ZNF227: variants seen among roughly 807,000 people sequenced by gnomAD.
The protein encoded by ZNF227 is zinc finger protein 227.
In ZNF227, 12 loss-of-function variants were observed where a neutral mutation model predicts 13.2. The observed-to-expected ratio is 0.91, with a 90% CI of 0.58 to 1.47. The LOEUF (loss-of-function observed/expected upper bound fraction) is 1.47, where lower values mean the gene tolerates loss of function less well. Among genes scored for constraint, ZNF227 ranks in the 40% most tolerant of loss-of-function variants. The pLI is 0.00. For synonymous variants in ZNF227, 338 were observed against 326.0 expected, an observed-to-expected ratio of 1.04 and a Z score of -0.40; for missense variants, 885 against 967.5, an observed-to-expected ratio of 0.91 and a Z score of 1.13.
intron 3 of ZNF227, chr19:44,227,137 T>G (rs542213580): frequency 6.6e-6 from 1 of 152,328 alleles, no homozygotes; most frequent in African/African-American, 2.4e-5. Context: ...AGATATGCGT[T>G]GTTCGAGTTT....
chr19:44,208,119 C>G (rs1971253171), upstream of ZNF227, among the ~76,000 whole-genome samples: 1 of 152,160 alleles, frequency 6.6e-6, no homozygotes, highest in Non-Finnish European at 1.5e-5. Flanking sequence ...GTATTGTAGG[C>G]AATCTAAAGA....
chr19:44,229,947 T>A (rs1168515162), intron 5 of ZNF227, 131 bp downstream of exon 5: 1 of 494,148 alleles, frequency 2.0e-6, no homozygotes, highest in Non-Finnish European at 3.3e-6. Flanking sequence ...GCTTCCATGC[T>A]GGTCTCCCCA....
At chr19:44,223,271 A>G (rs1049728440) in intron 3 of ZNF227, among the ~76,000 whole-genome samples, 34 of 151,872 alleles carry the variant, frequency 2.2e-4, no homozygotes, top group Non-Finnish European at 3.5e-4. Flanking sequence ...GGATGATGCT[A>G]GCCTCATAAA....
chr19:44,233,274 A>G (rs937621834), intron 5 of ZNF227, among the ~76,000 whole-genome samples: 1 of 152,130 alleles, frequency 6.6e-6, no homozygotes, highest in African/African-American at 2.4e-5. Context: ...ATATGTTTAT[A>G]TTTATGTGTA....
chr19:44,212,366 G>GTTT (rs778010029), upstream of ZNF227, among the ~76,000 whole-genome samples: 22 of 108,258 alleles, frequency 2.0e-4, no homozygotes, highest in African/African-American at 5.4e-4. Context: ...CGCTCGCTCC[G>GTTT]TTTTTTTTTT....
chr19:44,234,277 T>C (rs1157895714), intron 5 of ZNF227, among the ~76,000 whole-genome samples: 1 of 152,204 alleles, frequency 6.6e-6, no homozygotes, highest in East Asian at 1.9e-4. Flanking sequence ...AAAATAGTAT[T>C]TCATGCCTAC....
intron 3 of ZNF227, among the ~76,000 whole-genome samples, chr19:44,223,107 A>G (rs913136692): frequency 1.3e-5 from 2 of 152,194 alleles, no homozygotes; most frequent in Non-Finnish European, 2.9e-5. Context: ...CATCCCAGGG[A>G]TGAAGCCCAC....
intron 5 of ZNF227, among the ~76,000 whole-genome samples, chr19:44,232,990 T>C (rs1461325603): frequency 1.3e-5 from 2 of 152,112 alleles, no homozygotes; most frequent in Non-Finnish European, 2.9e-5. Flanking sequence ...CTTTTTGCCA[T>C]GTACATTAAC....
chr19:44,221,010 T>C (rs1248865169), intron 3 of ZNF227, among the ~76,000 whole-genome samples: 2 of 150,756 alleles, frequency 1.3e-5, no homozygotes, highest in East Asian at 3.9e-4. Flanking sequence ...GGCTGCATAG[T>C]ATTCCATGGT....
At chr19:44,207,568 C>T (rs1390865761), upstream of ZNF227, 1 of 152,194 alleles carries the variant, frequency 6.6e-6, no homozygotes, top group Non-Finnish European at 1.5e-5. Context: ...AGTTTTTTCG[C>T]TCTAGGAGGG....
intron 5 of ZNF227, among the ~76,000 whole-genome samples, chr19:44,234,487 T>C (rs1277413386): frequency 2.0e-5 from 3 of 152,210 alleles, no homozygotes; most frequent in African/African-American, 7.2e-5. Flanking sequence ...TGGATCATGT[T>C]TATACTTAGT....
rs976381228 is a variant in ZNF227 at position 44,229,638 on chromosome 19, A to G, written c.188-95A>G. ...AAATAAATAAATAAAATAATAAAAT[A>G]TCACTATAGAGGTTGTGAGGCTTAT... On this transcript the variant is annotated intron_variant, in intron 4 of 5. Transcript: ENST00000313040. 8.5e-6 allele frequency: 5 copies of G among 584,842 alleles called. No homozygotes were observed. In the African/African-American group the frequency reaches 9.7e-5, roughly 11 times the overall value. 36.2% of individuals were successfully genotyped at this position (584,842 alleles called of 1,614,324 possible).
intron 3 of ZNF227, among the ~76,000 whole-genome samples, chr19:44,221,701 A>G (rs1336641422): frequency 6.6e-6 from 1 of 151,976 alleles, no homozygotes; most frequent in Non-Finnish European, 1.5e-5. Flanking sequence ...ATTTTCTCCC[A>G]TTTTGTAGGT....
intron 5 of ZNF227, among the ~76,000 whole-genome samples, chr19:44,230,926 A>AAAAAAAAAAAAAATATATAT (rs1555792168): frequency 7.3e-5 from 5 of 68,136 alleles, no homozygotes; most frequent in African/African-American, 2.9e-4. Context: ...AAAAAAAAAA[A>AAAAAAAAAAAAAATATATAT]ATATATATAT....
rs1459258773 is a variant in ZNF227 at position 44,237,197 on chromosome 19, T to TA, written c.*368dup. 2.9e-5 allele frequency: 5 copies of TA among 174,760 alleles called. No individual in the cohort carries two copies. The highest frequency in any genetic ancestry group is 4.8e-5 in the Non-Finnish European group (4 of 82,748). The allele number at this position is 174,760 out of a possible 1,614,324, so 10.8% of individuals were successfully genotyped here. A position where few individuals can be genotyped will look rare whatever the true frequency, so the allele number is the denominator to read the frequency against. On this transcript the variant is annotated 3_prime_UTR_variant, in exon 6 of 6. Coordinates refer to ENST00000313040, the MANE Select transcript of ZNF227 (RefSeq NM_182490.3). ...TTTTCTTTAATTTTCATTTTATACT[T>TA]ACAGTGATCATTATTTTCATAAAAG...
chr19:44,235,825 G>A lies in ZNF227; in HGVS notation c.1395G>A (p.Lys465=), dbSNP rs1974411013. ...RRVHTGEKPY[K]CEACGKGFTR... is the part of the protein sequence containing the mutation. The stretch of plus-strand genomic sequence containing the variant: ...TCCACACAGGAGAGAAGCCATACAA[G>A]TGTGAGGCGTGTGGGAAAGGCTTTA... The change falls in exon 6 of 6, where the codon AAG becomes AAA. Residue 465 remains lysine, a synonymous_variant. Coordinates refer to ENST00000313040, the MANE Select transcript of ZNF227 (RefSeq NM_182490.3). The A allele has an allele frequency of 6.2e-7, 1 of 1,612,542 alleles. No individual in the cohort carries two copies. Among genetic ancestry groups the A allele is most frequent in the Middle Eastern group, 1.7e-4 (1 of 6,042 alleles).
chr19:44,233,235 G>A (rs1974038120), intron 5 of ZNF227, among the ~76,000 whole-genome samples: 1 of 152,010 alleles, frequency 6.6e-6, no homozygotes, highest in Non-Finnish European at 1.5e-5. Flanking sequence ...CTCAACATAA[G>A]TATAATTTTA....
At chr19:44,228,236 A>G (rs1973386351) in intron 3 of ZNF227, 2 of 490,734 alleles carry the variant, frequency 4.1e-6, no homozygotes, top group Non-Finnish European at 6.8e-6. Flanking sequence ...CTCAAAAAAG[A>G]AAAAAACAAA....
intron 1 of ZNF227, 74 bp from the exon 2 acceptor site, chr19:44,213,016 T>C (rs1049776821): frequency 6.6e-6 from 1 of 152,068 alleles, no homozygotes; most frequent in Non-Finnish European, 1.5e-5. Context: ...CTTTATGCCA[T>C]GGCCTTTCTG....
Sources: gnomAD v4.1 joint callset for allele counts (sites outside exome capture counted in the v4.1 genomes callset) on GRCh38, gnomAD v4.1.1 for gene constraint, MANE v1.5 for transcripts, NCBI Gene and HGNC (gene_info 2026-07-23, HGNC 2026-07-21) for gene names.